ZFHX3: variants seen among roughly 807,000 people sequenced by gnomAD.
The protein encoded by ZFHX3 is zinc finger homeobox 3, also known as zinc finger homeobox protein 3.
Under a neutral mutation model 279.1 loss-of-function variants are expected in ZFHX3, and 42 were observed. That is an observed-to-expected ratio of 0.15 (90% confidence interval 0.12 to 0.19). The LOEUF (loss-of-function observed/expected upper bound fraction) is 0.19, where lower values mean the gene tolerates loss of function less well. Among genes scored for constraint, ZFHX3 ranks in the 10% least tolerant of loss-of-function variants. The pLI, the probability that ZFHX3 is intolerant of heterozygous loss-of-function variation, is 1.00. For missense variants in ZFHX3, 4,981 were observed against 4,754.0 expected, an observed-to-expected ratio of 1.05 and a Z score of -1.40; for synonymous variants, 2,293 against 1,957.8, an observed-to-expected ratio of 1.17 and a Z score of -4.52.
intron 1 of ZFHX3, among the ~76,000 whole-genome samples, chr16:73,768,552 A>T (rs2053980420): frequency 6.6e-6 from 1 of 152,192 alleles, no homozygotes; most frequent in African/African-American, 2.4e-5. Context: ...GTTGAGTGTC[A>T]CCTTAATCCT....
At chr16:73,494,629 C>T (rs748710918) in intron 2 of ZFHX3, among the ~76,000 whole-genome samples, 6 of 151,222 alleles carry the variant, frequency 4.0e-5, no homozygotes, top group Admixed American at 6.6e-5. Context: ...GGTGTGATCT[C>T]GGCTCACCGC....
intron 1 of ZFHX3, among the ~76,000 whole-genome samples, chr16:73,845,591 A>G (rs957847237): frequency 1.3e-5 from 2 of 152,056 alleles, no homozygotes; most frequent in Admixed American, 6.5e-5. Flanking sequence ...CTAGCCCTCA[A>G]TCAATTCCGA....
At chr16:73,821,602 G>C (rs572992802) in intron 1 of ZFHX3, among the ~76,000 whole-genome samples, 5 of 152,372 alleles carry the variant, frequency 3.3e-5, no homozygotes, top group African/African-American at 1.2e-4. Context: ...GGCACACAGA[G>C]GCACTTGAAC....
At chr16:73,068,694 G>T (rs915930764) in intron 8 of ZFHX3, among the ~76,000 whole-genome samples, 1 of 152,218 alleles carries the variant, frequency 6.6e-6, no homozygotes, top group African/African-American at 2.4e-5. Flanking sequence ...AACAGGAAGG[G>T]ATGATCAGAT....
At chr16:73,697,395 C>G (rs1016250845) in intron 1 of ZFHX3, among the ~76,000 whole-genome samples, 2 of 152,144 alleles carry the variant, frequency 1.3e-5, no homozygotes, top group East Asian at 1.9e-4. Flanking sequence ...CAGATGCAGA[C>G]TGTTTCATTT....
chr16:72,976,016 G>T (rs1962331824), intron 1 of ZFHX3, among the ~76,000 whole-genome samples: 1 of 152,192 alleles, frequency 6.6e-6, no homozygotes, highest in South Asian at 2.1e-4. Flanking sequence ...GGTCCCAGGG[G>T]AGAAATTGCC....
At chr16:72,907,541 CTATT>C (rs1306353202) in intron 3 of ZFHX3, among the ~76,000 whole-genome samples, 60 of 117,262 alleles carry the variant, frequency 5.1e-4, no homozygotes, top group African/African-American at 2.1e-3. Context: ...AAGGTTTCCT[CTATT>C]TGTGTGTGTG....
rs1490123790 is a variant in ZFHX3 at position 73,661,974 on chromosome 16, T to TG, written c.-1547+18205_-1547+18206insC. 4.2e-3 allele frequency among the ~76,000 whole-genome samples: 533 copies of TG among 126,236 alleles called. 1 individual carries two copies. The highest frequency in any genetic ancestry group is 6.5e-3 in the African/African-American group (215 of 33,112). 82.8% of individuals were successfully genotyped at this position (126,236 alleles called of 152,430 possible). A position where few individuals can be genotyped will look rare whatever the true frequency, so the allele number is the denominator to read the frequency against. The stretch of plus-strand genomic sequence containing the variant: ...AACGTAGGTCATTCTTTTTTTTTTG[T>TG]TTTTTTTTTTAAGGATAGACACAAC... On this transcript the variant is annotated intron_variant, in intron 2 of 17. Coordinates refer to the ZFHX3 transcript ENST00000641206.
intron 1 of ZFHX3, among the ~76,000 whole-genome samples, chr16:73,769,311 G>A (rs2053989922): frequency 6.6e-6 from 1 of 152,120 alleles, no homozygotes; most frequent in South Asian, 2.1e-4. Context: ...AAGTAAATCT[G>A]TAAGCCACCT....
chr16:73,331,997 C>G (rs990439573), intron 3 of ZFHX3, among the ~76,000 whole-genome samples: 2 of 152,164 alleles, frequency 1.3e-5, no homozygotes, highest in African/African-American at 4.8e-5. Flanking sequence ...AAGAAGATCT[C>G]TTGAGATTCT....
At chr16:72,947,488 C>T (rs920867295) in intron 3 of ZFHX3, among the ~76,000 whole-genome samples, 1 of 152,124 alleles carries the variant, frequency 6.6e-6, no homozygotes, top group Admixed American at 6.5e-5. Flanking sequence ...GATGACACAC[C>T]GAAAGCCATG....
intron 5 of ZFHX3, among the ~76,000 whole-genome samples, chr16:73,228,065 G>C (rs2012660073): frequency 6.6e-6 from 1 of 152,066 alleles, no homozygotes; most frequent in Non-Finnish European, 1.5e-5. Flanking sequence ...GAAAGTAAAT[G>C]ACTTTAGCAC....
rs2035213639 is a variant in ZFHX3 at position 72,783,524 on chromosome 16, G to A, written c.*3640C>T. The A allele has an allele frequency of 6.6e-6, 1 of 152,160 alleles. No homozygotes were observed. Among genetic ancestry groups the A allele is most frequent in the Non-Finnish European group, 1.5e-5 (1 of 67,988 alleles). 9.4% of individuals were successfully genotyped at this position (152,160 alleles called of 1,614,324 possible). A position where few individuals can be genotyped will look rare whatever the true frequency, so the allele number is the denominator to read the frequency against. On this transcript the variant is annotated 3_prime_UTR_variant, in exon 10 of 10. Coordinates refer to ENST00000268489, the MANE Select transcript of ZFHX3 (RefSeq NM_006885.4). ...ACTCAGGTTTAAACACATGCCGTCT[G>A]TTTTACTTTATTTTCAATTGTGTAA...
Position 73,274,137 on chromosome 16 carries a change from C to G in ZFHX3, c.-1193-17001G>C, listed in dbSNP as rs78453799. On this transcript the variant is annotated intron_variant, in intron 4 of 17. Transcript: ENST00000641206. ...CCAGCCTGGGTAACTGAGTGAAACT[C>G]TGTCTCAGGAAAAAAAAAGTGTAAT... 3.8e-3 allele frequency among the ~76,000 whole-genome samples: 575 copies of G among 152,286 alleles called. 4 individuals are homozygous for G. Among genetic ancestry groups the G allele is most frequent in the Middle Eastern group, 0.024 (7 of 294 alleles).
intron 3 of ZFHX3, among the ~76,000 whole-genome samples, chr16:72,932,653 CAAAAAAAAAAA>C (rs3079316): frequency 9.7e-6 from 1 of 103,266 alleles, no homozygotes; most frequent in African/African-American, 3.5e-5. Flanking sequence ...TGCTCCGCAC[CAAAAAAAAAAA>C]AAAAAAAAAA....
intron 8 of ZFHX3, among the ~76,000 whole-genome samples, chr16:73,086,696 A>T (rs1254563729): frequency 6.6e-6 from 1 of 152,138 alleles, no homozygotes; most frequent in Non-Finnish European, 1.5e-5. Context: ...TGAATACAGG[A>T]GTTCAAGACC....
intron 8 of ZFHX3, among the ~76,000 whole-genome samples, chr16:73,077,964 C>T (rs575289765): frequency 3.7e-4 from 57 of 152,234 alleles, no homozygotes; most frequent in African/African-American, 1.2e-3. Flanking sequence ...GCCACCACGC[C>T]CAGCTAATTT....
chr16:73,478,361 T>C (rs933814266), intron 2 of ZFHX3, among the ~76,000 whole-genome samples: 14 of 152,180 alleles, frequency 9.2e-5, no homozygotes, highest in South Asian at 2.1e-4. Flanking sequence ...ATTAAAAGTC[T>C]GATGCTCTAC....
At chr16:73,625,476 T>C (rs536262924) in intron 2 of ZFHX3, among the ~76,000 whole-genome samples, 1 of 152,356 alleles carries the variant, frequency 6.6e-6, no homozygotes, top group South Asian at 2.1e-4. Context: ...TAAGCCGTCA[T>C]CCTGCAAGAT....
Sources: gnomAD v4.1 joint callset for allele counts (sites outside exome capture counted in the v4.1 genomes callset) on GRCh38, gnomAD v4.1.1 for gene constraint, MANE v1.5 for transcripts, NCBI Gene and HGNC (gene_info 2026-07-23, HGNC 2026-07-21) for gene names.